Variants in KLF7 observed in about 807,000 individuals in gnomAD.
KLF7 encodes Krueppel-like factor 7.
Under a neutral mutation model 27.3 loss-of-function variants are expected in KLF7, and 2 were observed. The ratio of observed to expected loss-of-function variants is 0.07; its 90% confidence interval spans 0.03 to 0.23. KLF7 has a LOEUF of 0.23. Among genes scored for constraint, KLF7 ranks in the 10% least tolerant of loss-of-function variants. The pLI is 1.00. For synonymous variants in KLF7, 165 were observed against 162.4 expected, an observed-to-expected ratio of 1.02 and a Z score of -0.12; for missense variants, 221 against 394.1, an observed-to-expected ratio of 0.56 and a Z score of 3.72.
rs903359522 is a variant in KLF7, at chr2:207,076,570, T to C, written c.*4643A>G. The C allele has an allele frequency of 1.3e-5, 2 of 152,204 alleles. No individual in the cohort carries two copies. Among genetic ancestry groups the C allele is most frequent in the Non-Finnish European group, 2.9e-5 (2 of 68,034 alleles). The allele number at this position is 152,204 out of a possible 1,614,324, so 9.4% of individuals were successfully genotyped here. ...GAGTGTTAAAAGCAAGAAAAAACCC[T>C]GAAGCCTCAGGCAGTTCGTCGTGGG... On this transcript the variant is annotated 3_prime_UTR_variant, in exon 4 of 4. Transcript: ENST00000309446.
At chr2:207,116,024 C>A (rs1228070219) in intron 2 of KLF7, among the ~76,000 whole-genome samples, 6 of 152,274 alleles carry the variant, frequency 3.9e-5, no homozygotes, top group East Asian at 1.9e-4. Flanking sequence ...AAGAAAAAAA[C>A]CCCATATTTT....
At chr2:207,097,541 G>A (rs867270215) in intron 2 of KLF7, among the ~76,000 whole-genome samples, 1 of 152,286 alleles carries the variant, frequency 6.6e-6, no homozygotes, top group Middle Eastern at 3.4e-3. Context: ...AGCCTGCCCC[G>A]TGGAGCACAG....
At chr2:207,081,366 T>A (rs1008029627) in intron 3 of KLF7, 102 bp from the exon 4 acceptor site, 2 of 1,015,204 alleles carry the variant, frequency 2.0e-6, no homozygotes, top group African/African-American at 3.2e-5. Context: ...ACAGAGACAG[T>A]GCACATGCAT....
intron 1 of KLF7, among the ~76,000 whole-genome samples, chr2:207,135,969 T>C (rs1008541588): frequency 1.3e-5 from 2 of 152,216 alleles, no homozygotes; most frequent in Non-Finnish European, 2.9e-5. Context: ...CCTCTCCCTC[T>C]GCCACTTCCT....
rs373576836 is a variant in KLF7 at position 207,165,590 on chromosome 2, G to C, written c.-22C>G. 44 of 1,612,660 alleles carry C rather than the reference G, an allele frequency of 2.7e-5. No individual in the cohort carries two copies. Among genetic ancestry groups the C allele is most frequent in the African/African-American group, 6.7e-5 (5 of 74,842 alleles). On this transcript the variant is annotated 5_prime_UTR_variant, in exon 1 of 4. Coordinates refer to ENST00000309446, the MANE Select transcript of KLF7 (RefSeq NM_003709.4). ...CCATGCTGCTGCTGCCGGGCAAAAC[G>C]GGAGGCGAAACCCTCCCCCGAACAC...
At chr2:207,114,019 A>G (rs1276693248) in intron 2 of KLF7, among the ~76,000 whole-genome samples, 5 of 152,228 alleles carry the variant, frequency 3.3e-5, no homozygotes, top group African/African-American at 1.2e-4. Flanking sequence ...CCTCTGCCTA[A>G]ATTTTTAAGT....
intron 1 of KLF7, among the ~76,000 whole-genome samples, chr2:207,162,798 T>A (rs998614364): frequency 6.6e-6 from 1 of 152,192 alleles, no homozygotes; most frequent in Admixed American, 6.5e-5. Flanking sequence ...AGAAACCAAG[T>A]CAGATTATCA....
intron 3 of KLF7, among the ~76,000 whole-genome samples, chr2:207,082,210 T>C (rs921195669): frequency 3.3e-5 from 5 of 152,196 alleles, no homozygotes; most frequent in African/African-American, 1.2e-4. Flanking sequence ...GTGGCCACAG[T>C]ACTCTGCTAA....
chr2:207,090,439 TG>T (rs2105877429), intron 2 of KLF7, among the ~76,000 whole-genome samples: 2 of 152,256 alleles, frequency 1.3e-5, no homozygotes, highest in Non-Finnish European at 2.9e-5. Context: ...TAAACGAGGG[TG>T]AGCTTATTAA....
upstream of KLF7, among the ~76,000 whole-genome samples, chr2:207,170,641 T>A (rs993001919): frequency 6.6e-6 from 1 of 152,164 alleles, no homozygotes; most frequent in African/African-American, 2.4e-5. Flanking sequence ...CATTTACCAT[T>A]TTGAAAGTTG....
At chr2:207,101,277 C>A (rs1311731772) in intron 2 of KLF7, among the ~76,000 whole-genome samples, 2 of 152,204 alleles carry the variant, frequency 1.3e-5, no homozygotes, top group African/African-American at 4.8e-5. Context: ...TGGAAAGGCT[C>A]TTCACGTTAG....
chr2:207,158,439 G>T (rs940094154), intron 1 of KLF7, among the ~76,000 whole-genome samples: 2 of 152,158 alleles, frequency 1.3e-5, no homozygotes, highest in Non-Finnish European at 2.9e-5. Context: ...ACTGGTACAT[G>T]GGTTGCTGGT....
At chr2:207,134,295 T>C (rs570566789) in intron 1 of KLF7, among the ~76,000 whole-genome samples, 3 of 151,988 alleles carry the variant, frequency 2.0e-5, no homozygotes, top group African/African-American at 7.2e-5. Context: ...CGATTACTTC[T>C]TGTACTCCAA....
upstream of KLF7, chr2:207,167,066 G>A: frequency 1.5e-6 from 2 of 1,296,584 alleles, no homozygotes; most frequent in Non-Finnish European, 2.0e-6. Context: ...AGAGGCTAGA[G>A]GGAGCCTAGG....
upstream of KLF7, chr2:207,167,113 A>AGGGGGCC: frequency 7.0e-7 from 1 of 1,418,560 alleles, no homozygotes; most frequent in East Asian, 3.0e-5. Flanking sequence ...GCAGCTTGCG[A>AGGGGGCC]GGGGGCCTTT....
chr2:207,167,146 G>T (rs1338039356), upstream of KLF7: 2 of 1,441,024 alleles, frequency 1.4e-6, no homozygotes, highest in South Asian at 2.7e-5. Flanking sequence ...TCACCATGGG[G>T]TCTCCAGCGA....
chr2:207,167,301 T>G (rs773365643), upstream of KLF7: 3 of 513,500 alleles, frequency 5.8e-6, no homozygotes, highest in East Asian at 3.8e-5. Flanking sequence ...TTGCTTGACC[T>G]TAAATGGTTA....
At chr2:207,112,174 C>CTTTTTTTTTTTTTTTTTTTTTTT (rs1553525812) in intron 2 of KLF7, among the ~76,000 whole-genome samples, 1 of 149,194 alleles carries the variant, frequency 6.7e-6, no homozygotes, top group Non-Finnish European at 1.5e-5. Context: ...TGGGCAAATG[C>CTTTTTTTTTTTTTTTTTTTTTTT]TTTTGAGTGA....
intron 2 of KLF7, among the ~76,000 whole-genome samples, chr2:207,097,260 TA>T (rs961812845): frequency 3.2e-4 from 47 of 144,734 alleles, no homozygotes; most frequent in Admixed American, 4.8e-4. Flanking sequence ...GGGAAGGAAT[TA>T]AAAAAAAAAA....
Sources: allele counts gnomAD v4.1 joint callset (sites outside exome capture counted in the v4.1 genomes callset), GRCh38; gene constraint gnomAD v4.1.1; transcripts MANE v1.5; gene names NCBI Gene and HGNC (gene_info 2026-07-23, HGNC 2026-07-21).